Variants in SLC4A4 observed in about 807,000 individuals in gnomAD.
The protein encoded by SLC4A4 is solute carrier family 4 member 4.
SLC4A4 carries 27 observed loss-of-function variants against 111.5 expected under a neutral mutation model. That is an observed-to-expected ratio of 0.24 (90% CI 0.18 to 0.33). The LOEUF is 0.33. Ranked by LOEUF, SLC4A4 falls within the 10% of genes least tolerant of loss-of-function variation. SLC4A4 has a pLI of 1.00. For synonymous variants in SLC4A4, 443 were observed against 463.4 expected (o/e 0.96, Z 0.57); for missense variants, 909 against 1,315.5 (o/e 0.69, Z 4.78).
At chr4:71,113,420 C>T (rs370649326) in intron 2 of SLC4A4, among the ~76,000 whole-genome samples, 1 of 152,186 alleles carries the variant, frequency 6.6e-6, no homozygotes, top group African/African-American at 2.4e-5. Flanking sequence ...AGAAGATGTG[C>T]TTGGCAATTT....
chr4:71,257,795 A>C (rs1261862387), intron 3 of SLC4A4, among the ~76,000 whole-genome samples: 2 of 152,210 alleles, frequency 1.3e-5, no homozygotes, highest in Non-Finnish European at 2.9e-5. Flanking sequence ...AGAAAAACAA[A>C]AACCAAAAAG....
chr4:71,484,439 G>A (rs1363130112), intron 14 of SLC4A4, among the ~76,000 whole-genome samples: 2 of 150,990 alleles, frequency 1.3e-5, no homozygotes, highest in South Asian at 4.1e-4. Context: ...GAATCCTATT[G>A]CTTCTTTTTG....
intron 3 of SLC4A4, among the ~76,000 whole-genome samples, chr4:71,256,052 G>A (rs1464286933): frequency 1.3e-5 from 2 of 152,176 alleles, no homozygotes; most frequent in African/African-American, 4.8e-5. Context: ...TTAGATGTAT[G>A]TTTATGTTGC....
intron 1 of SLC4A4, among the ~76,000 whole-genome samples, chr4:71,192,917 C>T (rs1355796555): frequency 6.6e-6 from 1 of 152,202 alleles, no homozygotes; most frequent in Admixed American, 6.5e-5. Context: ...TTTCACCTCT[C>T]ATTGAACTTT....
chr4:71,246,863 C>A (rs1300071095), intron 2 of SLC4A4, among the ~76,000 whole-genome samples: 2 of 152,078 alleles, frequency 1.3e-5, no homozygotes, highest in Admixed American at 6.6e-5. Context: ...AGTCTCTATA[C>A]GTCATTAATT....
intron 12 of SLC4A4, among the ~76,000 whole-genome samples, chr4:71,465,215 C>T (rs1293892834): frequency 6.6e-6 from 1 of 152,012 alleles, no homozygotes; most frequent in Non-Finnish European, 1.5e-5. Flanking sequence ...GAGAACTCTT[C>T]CTATACCAAG....
At chr4:71,520,838 CT>C (rs1256972463) in intron 16 of SLC4A4, among the ~76,000 whole-genome samples, 2 of 151,350 alleles carry the variant, frequency 1.3e-5, no homozygotes, top group South Asian at 2.1e-4. Context: ...CTCTGTATTT[CT>C]TTTTTTTGGG....
At chr4:71,233,189 T>C (rs557290948) in intron 1 of SLC4A4, 335 of 801,972 alleles carry the variant, frequency 4.2e-4, no homozygotes, top group Non-Finnish European at 4.8e-4. Context: ...ACTGTAACTC[T>C]AGTGCCTTGG....
intron 7 of SLC4A4, among the ~76,000 whole-genome samples, chr4:71,421,604 A>G (rs1722516861): frequency 1.3e-5 from 2 of 152,240 alleles, no homozygotes; most frequent in South Asian, 4.1e-4. Context: ...CTCCTCAGCA[A>G]ATGTTAAAGA....
At chr4:71,157,408 T>C (rs1054217220) in intron 2 of SLC4A4, among the ~76,000 whole-genome samples, 1 of 152,132 alleles carries the variant, frequency 6.6e-6, no homozygotes, top group African/African-American at 2.4e-5. Context: ...TTGGAAAATA[T>C]CTTTTCACCT....
intron 7 of SLC4A4, among the ~76,000 whole-genome samples, chr4:71,421,613 G>T (rs1722518003): frequency 6.6e-6 from 1 of 152,118 alleles, no homozygotes; most frequent in South Asian, 2.1e-4. Context: ...AAATGTTAAA[G>T]AACAGAAATT....
At chr4:71,255,165 G>T (rs1721352288) in intron 2 of SLC4A4, 55 bp from the exon 3 acceptor site, 4 of 1,451,488 alleles carry the variant, frequency 2.8e-6, no homozygotes, top group African/African-American at 2.8e-5. Context: ...TGTGCAATTT[G>T]TCTGCAGTAG....
At chr4:71,351,218 A>C (rs1218664882) in intron 5 of SLC4A4, among the ~76,000 whole-genome samples, 1 of 152,218 alleles carries the variant, frequency 6.6e-6, no homozygotes, top group African/African-American at 2.4e-5. Flanking sequence ...ACCTGACTCA[A>C]TCACTTACCC....
At chr4:71,438,398 T>G (rs987619308) in intron 7 of SLC4A4, among the ~76,000 whole-genome samples, 2 of 152,190 alleles carry the variant, frequency 1.3e-5, no homozygotes, top group African/African-American at 2.4e-5. Context: ...AATGTGATAA[T>G]AAGACTTGTC....
At chr4:71,322,771 T>C (rs1727219271) in intron 3 of SLC4A4, among the ~76,000 whole-genome samples, 1 of 151,982 alleles carries the variant, frequency 6.6e-6, no homozygotes, top group Non-Finnish European at 1.5e-5. Context: ...TTCAGGTCCT[T>C]CAGGAAAAGG....
chr4:71,536,881 ATATC>A (rs1295641234), intron 18 of SLC4A4, among the ~76,000 whole-genome samples: 3 of 151,770 alleles, frequency 2.0e-5, no homozygotes, highest in Non-Finnish European at 2.9e-5. Context: ...TTGATATTGC[ATATC>A]TATCTATCTT....
At chr4:71,316,999 C>A (rs142624759) in intron 3 of SLC4A4, among the ~76,000 whole-genome samples, 1 of 151,792 alleles carries the variant, frequency 6.6e-6, no homozygotes, top group African/African-American at 2.4e-5. Context: ...AGGCTACAGG[C>A]GTGCACCAGT....
intron 1 of SLC4A4, among the ~76,000 whole-genome samples, chr4:71,198,190 T>C (rs750763895): frequency 2.0e-5 from 3 of 152,214 alleles, no homozygotes; most frequent in Non-Finnish European, 4.4e-5. Flanking sequence ...TAGGTGCATG[T>C]CATTACCTTA....
intron 18 of SLC4A4, among the ~76,000 whole-genome samples, chr4:71,542,704 C>A (rs1366076363): frequency 1.3e-5 from 2 of 151,988 alleles, no homozygotes; most frequent in Non-Finnish European, 2.9e-5. Flanking sequence ...AAGTTGGGTA[C>A]CCCTCCTGGA....
Sources: allele counts gnomAD v4.1 joint callset (sites outside exome capture counted in the v4.1 genomes callset), GRCh38; gene constraint gnomAD v4.1.1; transcripts MANE v1.5; gene names NCBI Gene and HGNC (gene_info 2026-07-23, HGNC 2026-07-21).